The following BEND6 variants were observed in gnomAD, a reference collection of about 807,000 sequenced individuals.
BEND6 encodes BEN domain-containing protein 6.
In BEND6, 24 loss-of-function variants were observed where a neutral mutation model predicts 31.8. The observed-to-expected ratio is 0.75, with a 90% CI of 0.55 to 1.06. The LOEUF is 1.06. BEND6 is among the 50% of genes least tolerant of loss of function. The pLI is 0.00. For synonymous variants in BEND6, 109 were observed against 114.6 expected (o/e 0.95, Z 0.31); for missense variants, 294 against 327.4 (o/e 0.90, Z 0.79).
In BEND6 at chr6:57,018,531, T is replaced by C. The variant is rs1301887978; in HGVS notation, c.823T>C (p.Ser275Pro). Residue 275 changes from serine (S) to proline (P), a missense_variant, in exon 6 of 7, where the codon TCT (serine) becomes CCT (proline). Ser to Pro is a moderately conservative substitution (Grantham distance 74, BLOSUM62 -1). Transcript: ENST00000370746. The part of the protein sequence containing the change: ...KKPNLSKNLN[S>P]QDIK ...GCCAAATTTAAGCAAAAATCTTAAC[T>C]CTCAGGATATTAAATAGATCCTTTT... is the stretch of plus-strand genomic sequence containing the variant. The C allele has an allele frequency of 3.2e-6, 5 of 1,566,034 alleles. No homozygotes were observed. Among genetic ancestry groups the C allele is most frequent in the South Asian group, 2.5e-5 (2 of 81,626 alleles).
intron 3 of BEND6, chr6:57,010,793 T>TA (rs1368980478): frequency 2.4e-6 from 2 of 833,852 alleles, no homozygotes; most frequent in Non-Finnish European, 2.9e-6. Context: ...TGAGTAAGTA[T>TA]AAAATAAATG....
At chr6:56,965,879 G>A (rs796939498) in intron 1 of BEND6, among the ~76,000 whole-genome samples, 3 of 151,818 alleles carry the variant, frequency 2.0e-5, no homozygotes, top group Non-Finnish European at 4.4e-5. Flanking sequence ...TGCAAAATTG[G>A]TCCAAAAGTT....
intron 3 of BEND6, chr6:57,010,525 G>A (rs543209483): frequency 4.4e-6 from 1 of 225,252 alleles, no homozygotes; most frequent in African/African-American, 2.3e-5. Context: ...TTTTAGAGAT[G>A]CCTACAGAAA....
At chr6:56,972,467 G>T (rs1319973803) in intron 1 of BEND6, among the ~76,000 whole-genome samples, 1 of 152,030 alleles carries the variant, frequency 6.6e-6, no homozygotes, top group East Asian at 1.9e-4. Context: ...ATTAATTTTA[G>T]CAGGAATTAA....
chr6:56,967,544 G>C (rs1317888779), intron 1 of BEND6, among the ~76,000 whole-genome samples: 1 of 152,136 alleles, frequency 6.6e-6, no homozygotes, highest in African/African-American at 2.4e-5. Flanking sequence ...AGCCCAAACA[G>C]GTCAAACTCC....
chr6:57,018,725 G>T (rs970665525), intron 6 of BEND6, among the ~76,000 whole-genome samples, 168 bp downstream of exon 6: 1 of 152,184 alleles, frequency 6.6e-6, no homozygotes, highest in African/African-American at 2.4e-5. Context: ...AGTGGGGTTT[G>T]AATTGGAAAA....
At chr6:56,960,160 G>T (rs1825237788) in intron 1 of BEND6, among the ~76,000 whole-genome samples, 1 of 152,106 alleles carries the variant, frequency 6.6e-6, no homozygotes, top group Non-Finnish European at 1.5e-5. Flanking sequence ...GAGTCATTTG[G>T]CCAGAAAATT....
chr6:57,010,822 G>T, intron 3 of BEND6: 1 of 792,606 alleles, frequency 1.3e-6, no homozygotes, highest in Non-Finnish European at 1.5e-6. Flanking sequence ...ACTAAGAAAA[G>T]ACTGCTACTT....
Position 56,955,222 on chromosome 6 carries a change from C to T in BEND6, c.-339C>T, listed in dbSNP as rs1824610005. On this transcript the variant is annotated 5_prime_UTR_variant, in exon 1 of 7. Coordinates refer to ENST00000370746, the MANE Select transcript of BEND6 (RefSeq NM_152731.3). ...CCCAGCGCCCTCCCGCGGGGCCGCC[C>T]GCCAGTCCGCGCCGTCCGCGGGTGC... 6.6e-6 allele frequency: 1 copy of T among 151,886 alleles called. No individual in the cohort carries two copies. Among genetic ancestry groups the T allele is most frequent in the East Asian group, 1.9e-4 (1 of 5,166 alleles). 9.4% of individuals were successfully genotyped at this position (151,886 alleles called of 1,614,324 possible).
At chr6:57,013,835 G>A (rs1487480621) in intron 3 of BEND6, 1 of 152,204 alleles carries the variant, frequency 6.6e-6, no homozygotes, top group Non-Finnish European at 1.5e-5. Flanking sequence ...ATCACATCTG[G>A]TTTTGCTCCC....
intron 3 of BEND6, among the ~76,000 whole-genome samples, chr6:56,997,577 G>A (rs934322639): frequency 5.3e-5 from 8 of 151,962 alleles, no homozygotes; most frequent in South Asian, 2.1e-4. Flanking sequence ...TTTTTGAGAC[G>A]GAATCTCACT....
At chr6:56,992,241 G>C in intron 2 of BEND6, 137 bp from the exon 3 acceptor site, 1 of 953,926 alleles carries the variant, frequency 1.0e-6, no homozygotes, top group Admixed American at 2.8e-5. Flanking sequence ...GGAGGACAAA[G>C]CTGGGGCTAG....
At chr6:56,989,732 G>T (rs1224289291) in intron 2 of BEND6, among the ~76,000 whole-genome samples, 1 of 151,978 alleles carries the variant, frequency 6.6e-6, no homozygotes, top group Non-Finnish European at 1.5e-5. Context: ...AGCCCTATGG[G>T]TTTTCTGTTC....
At chr6:57,015,464 T>C in intron 4 of BEND6, 111 bp downstream of exon 4, 2 of 1,074,268 alleles carry the variant, frequency 1.9e-6, no homozygotes, top group South Asian at 3.2e-5. Context: ...ATAAAATAGT[T>C]TTATTCAATA....
At chr6:56,975,394 G>A (rs1562539055) in intron 1 of BEND6, among the ~76,000 whole-genome samples, 2 of 151,796 alleles carry the variant, frequency 1.3e-5, no homozygotes, top group Non-Finnish European at 2.9e-5. Flanking sequence ...GGTCAGCAGG[G>A]AAAAAAAATA....
chr6:56,981,988 G>A, intron 2 of BEND6, 58 bp downstream of exon 2: 1 of 1,517,052 alleles, frequency 6.6e-7, no homozygotes, highest in Non-Finnish European at 8.8e-7. Context: ...TAATTTCATG[G>A]TTTCTTTCAT....
At chr6:56,957,153 A>C (rs938366699) in intron 1 of BEND6, among the ~76,000 whole-genome samples, 1 of 152,250 alleles carries the variant, frequency 6.6e-6, no homozygotes, top group Non-Finnish European at 1.5e-5. Context: ...TTTCTGAGCT[A>C]TGACTTTAGC....
intron 2 of BEND6, among the ~76,000 whole-genome samples, chr6:56,985,470 C>A (rs1826225020): frequency 6.6e-6 from 1 of 152,130 alleles, no homozygotes; most frequent in Admixed American, 6.5e-5. Flanking sequence ...CTGCCCTCCC[C>A]TCACTCTCCC....
rs1562557993 is a variant in BEND6, at chr6:57,015,129, T to G, written c.299-4T>G. ...GTAAAGTGTACTTTTTCTTGCCATT[T>G]TAGTGTTACCACAAGCAGTCACCCA... On this transcript the variant is annotated splice_region_variant and splice_polypyrimidine_tract_variant and intron_variant, in intron 3 of 6. Coordinates refer to ENST00000370746, the MANE Select transcript of BEND6 (RefSeq NM_152731.3). The G allele has an allele frequency of 2.5e-6, 4 of 1,612,826 alleles. No homozygotes were observed. The highest frequency in any genetic ancestry group is 2.5e-6 in the Non-Finnish European group (3 of 1,179,026).
Sources: gnomAD v4.1 joint callset for allele counts (sites outside exome capture counted in the v4.1 genomes callset) on GRCh38, gnomAD v4.1.1 for gene constraint, MANE v1.5 for transcripts, NCBI Gene and HGNC (gene_info 2026-07-23, HGNC 2026-07-21) for gene names.